The following PDIA5 variants were observed in gnomAD, a reference collection of about 807,000 sequenced individuals.
The protein encoded by PDIA5 is protein disulfide-isomerase A5.
Under a neutral mutation model 77.6 loss-of-function variants are expected in PDIA5, and 58 were observed. The ratio of observed to expected loss-of-function variants is 0.75; its 90% CI spans 0.61 to 0.93. The LOEUF (loss-of-function observed/expected upper bound fraction) is 0.93. PDIA5 is among the 40% of genes least tolerant of loss of function. The probability of loss-of-function intolerance (pLI) is 0.00; values close to 1 mark genes in which losing one functional copy is unlikely to be tolerated. For synonymous variants in PDIA5, 250 were observed against 252.1 expected, an observed-to-expected ratio of 0.99 and a Z score of 0.08; for missense variants, 630 against 647.7, an observed-to-expected ratio of 0.97 and a Z score of 0.30.
intron 10 of PDIA5, among the ~76,000 whole-genome samples, chr3:123,128,665 G>A (rs1185423595): frequency 2.6e-5 from 4 of 152,150 alleles, no homozygotes; most frequent in South Asian, 2.1e-4. Flanking sequence ...AGGCCACCAT[G>A]CCCGACTAAT....
intron 5 of PDIA5, among the ~76,000 whole-genome samples, chr3:123,106,258 G>T (rs1267336860): frequency 1.3e-5 from 2 of 152,208 alleles, no homozygotes; most frequent in Non-Finnish European, 2.9e-5. Flanking sequence ...ATACCAAGCA[G>T]GTCATAAGTA....
chr3:123,069,155 A>G (rs969603577), intron 1 of PDIA5, among the ~76,000 whole-genome samples: 4 of 152,132 alleles, frequency 2.6e-5, no homozygotes, highest in Admixed American at 1.3e-4. Flanking sequence ...ATTGCTGGAC[A>G]GCGCGTTGGG....
chr3:123,124,371 G>T (rs137918765), intron 10 of PDIA5, 28 bp downstream of exon 10: 9 of 1,547,626 alleles, frequency 5.8e-6, no homozygotes, highest in African/African-American at 1.4e-5. Flanking sequence ...GTGTCAGTGG[G>T]CGTGGACCCA....
rs77662515 is a variant in PDIA5 at position 123,160,925 on chromosome 3, A to G, written c.1345-396A>G. Among the ~76,000 whole-genome samples the G allele has an allele frequency of 5.6e-3, 859 of 152,320 alleles. 5 individuals carry two copies. The highest frequency in any genetic ancestry group is 9.4e-3 in the Non-Finnish European group (640 of 68,026). On this transcript the variant is annotated intron_variant, in intron 15 of 16. Transcript: ENST00000316218. The stretch of plus-strand genomic sequence containing the variant: ...GAAAGCTCTTGCCCTTAACCTTGGC[A>G]CTATACTGTCCCCCCAAGCTAATGT...
chr3:123,119,540 A>C (rs547936072), intron 8 of PDIA5, among the ~76,000 whole-genome samples: 1 of 152,202 alleles, frequency 6.6e-6, no homozygotes, highest in South Asian at 2.1e-4. Context: ...TCCCAGCTAC[A>C]TAAAGAGGGA....
chr3:123,075,530 G>C (rs1003457776), intron 1 of PDIA5, among the ~76,000 whole-genome samples: 19 of 152,190 alleles, frequency 1.2e-4, no homozygotes, highest in African/African-American at 3.4e-4. Flanking sequence ...ATCTATAGGA[G>C]GTCATTGTTG....
rs768737333 is a variant in PDIA5, at chr3:123,130,571, T to C, written c.865T>C (p.Phe289Leu). The C allele has an allele frequency of 1.2e-6, 2 of 1,614,120 alleles. No individual in the cohort carries two copies. Among genetic ancestry groups the C allele is most frequent in the African/African-American group, 2.7e-5 (2 of 75,028 alleles). The change falls in exon 11 of 17, where the codon TTT (phenylalanine) becomes CTT (leucine). Residue 289 changes from phenylalanine to leucine, a missense_variant. Physicochemically the swap from Phe to Leu is conservative, Grantham distance 22. Transcript: ENST00000316218. ...CCTGACCGATGAAGACTTTGACCAG[T>C]TTGTGAAGGAACACTCCTCTGTCCT... ...YHLTDEDFDQ[F>L]VKEHSSVLVM...
intron 1 of PDIA5, among the ~76,000 whole-genome samples, chr3:123,081,106 A>G (rs535507454): frequency 6.6e-6 from 1 of 152,278 alleles, no homozygotes; most frequent in East Asian, 1.9e-4. Flanking sequence ...TGCAAGGGAG[A>G]CTGAGAGATA....
chr3:123,140,426 C>T (rs1168465306), intron 11 of PDIA5, among the ~76,000 whole-genome samples: 1 of 152,174 alleles, frequency 6.6e-6, no homozygotes, highest in Non-Finnish European at 1.5e-5. Flanking sequence ...AGCAATATCA[C>T]AGTCACAAAG....
intron 11 of PDIA5, chr3:123,145,175 C>G (rs1935739218): frequency 4.4e-6 from 1 of 227,022 alleles, no homozygotes; most frequent in African/African-American, 2.3e-5. Context: ...CTTGGGCAGT[C>G]ACCTGCCCTC....
intron 8 of PDIA5, among the ~76,000 whole-genome samples, chr3:123,117,427 G>T (rs566997677): frequency 1.7e-5 from 2 of 121,076 alleles, no homozygotes; most frequent in South Asian, 5.6e-4. Flanking sequence ...GTCTCACTAT[G>T]TTGCCCAGGT....
At chr3:123,070,479 C>A (rs943976814) in intron 1 of PDIA5, among the ~76,000 whole-genome samples, 1 of 152,054 alleles carries the variant, frequency 6.6e-6, no homozygotes, top group Non-Finnish European at 1.5e-5. Flanking sequence ...CTTTGGGAAC[C>A]CTTAGCCTTC....
At chr3:123,156,490 C>G (rs1047961679) in intron 15 of PDIA5, among the ~76,000 whole-genome samples, 8 of 152,216 alleles carry the variant, frequency 5.3e-5, no homozygotes, top group Non-Finnish European at 1.2e-4. Flanking sequence ...GTGCACAGCA[C>G]AGGGTAGTTG....
chr3:123,084,255 G>C (rs562177282), intron 1 of PDIA5, among the ~76,000 whole-genome samples: 2 of 152,222 alleles, frequency 1.3e-5, no homozygotes, highest in African/African-American at 4.8e-5. Flanking sequence ...TATCACCGCA[G>C]CTCCTGTGCT....
At chr3:123,157,839 G>A (rs1936053528) in intron 15 of PDIA5, among the ~76,000 whole-genome samples, 1 of 152,230 alleles carries the variant, frequency 6.6e-6, no homozygotes, top group Admixed American at 6.5e-5. Flanking sequence ...TTATTGAAGG[G>A]GCAAGGCAGA....
chr3:123,152,087 TCCTG>T (rs1197669646), intron 14 of PDIA5, among the ~76,000 whole-genome samples: 1 of 46,114 alleles, frequency 2.2e-5, no homozygotes, highest in African/African-American at 1.5e-4. Flanking sequence ...CTGCCTTCCT[TCCTG>T]CCTTCCTGCC....
chr3:123,117,737 C>T (rs886972886), intron 8 of PDIA5, among the ~76,000 whole-genome samples: 1 of 152,072 alleles, frequency 6.6e-6, no homozygotes, highest in East Asian at 1.9e-4. Context: ...TGATGAGTTG[C>T]TTCTAGCTTT....
intron 14 of PDIA5, among the ~76,000 whole-genome samples, chr3:123,152,561 A>G (rs1935937810): frequency 6.6e-6 from 1 of 152,166 alleles, no homozygotes; most frequent in African/African-American, 2.4e-5. Flanking sequence ...GGCATATACT[A>G]TATACTTTTT....
At chr3:123,155,368 C>T (rs1935997468) in intron 15 of PDIA5, among the ~76,000 whole-genome samples, 1 of 152,294 alleles carries the variant, frequency 6.6e-6, no homozygotes, top group Admixed American at 6.5e-5. Context: ...ATTAAAAATA[C>T]AAATTTAAAA....
Sources: gnomAD v4.1 joint callset for allele counts (sites outside exome capture counted in the v4.1 genomes callset) on GRCh38, gnomAD v4.1.1 for gene constraint, MANE v1.5 for transcripts, NCBI Gene and HGNC (gene_info 2026-07-23, HGNC 2026-07-21) for gene names.